Variants in CACNA2D3 observed in about 807,000 individuals in gnomAD.
CACNA2D3 encodes voltage-dependent calcium channel subunit alpha-2/delta-3.
CACNA2D3 carries 60 observed loss-of-function variants against 160.6 expected under a neutral mutation model. The observed-to-expected ratio is 0.37, with a 90% confidence interval of 0.30 to 0.46. The LOEUF (loss-of-function observed/expected upper bound fraction) is 0.46. Ranked by LOEUF, CACNA2D3 falls within the 20% of genes least tolerant of loss-of-function variation. CACNA2D3 has a pLI of 1.00. For missense variants in CACNA2D3, 1,205 were observed against 1,365.0 expected (o/e 0.88, Z 1.85); for synonymous variants, 558 against 492.9 (o/e 1.13, Z -1.75).
At chr3:54,494,566 T>C (rs1701173552) in intron 4 of CACNA2D3, among the ~76,000 whole-genome samples, 1 of 152,212 alleles carries the variant, frequency 6.6e-6, no homozygotes, top group East Asian at 1.9e-4. Context: ...CTTCCAGTTC[T>C]ATGAAACGAT....
chr3:55,003,437 T>C (rs1703025794), intron 31 of CACNA2D3, among the ~76,000 whole-genome samples: 1 of 152,034 alleles, frequency 6.6e-6, no homozygotes, highest in Non-Finnish European at 1.5e-5. Flanking sequence ...CCCTGAAGGT[T>C]TGCTGAAAAT....
intron 2 of CACNA2D3, among the ~76,000 whole-genome samples, chr3:54,273,978 G>A (rs1029912069): frequency 2.0e-5 from 3 of 151,976 alleles, no homozygotes; most frequent in Admixed American, 2.0e-4. Flanking sequence ...TGCTAAGTGT[G>A]TAGGTCCTGT....
At chr3:54,501,881 G>C (rs775418394) in intron 4 of CACNA2D3, among the ~76,000 whole-genome samples, 1 of 152,138 alleles carries the variant, frequency 6.6e-6, no homozygotes, top group Non-Finnish European at 1.5e-5. Context: ...TACTTGTGAA[G>C]GGTAATTTCA....
intron 3 of CACNA2D3, among the ~76,000 whole-genome samples, chr3:54,357,159 C>T (rs561485555): frequency 1.3e-5 from 2 of 152,106 alleles, no homozygotes; most frequent in Non-Finnish European, 2.9e-5. Flanking sequence ...TCATCTTGTT[C>T]GCCACTCTGT....
intron 2 of CACNA2D3, among the ~76,000 whole-genome samples, chr3:54,305,110 T>C (rs1703569012): frequency 6.6e-6 from 1 of 152,246 alleles, no homozygotes; most frequent in Non-Finnish European, 1.5e-5. Context: ...GTTTAATTCA[T>C]GTCTTGAACA....
In CACNA2D3 at chr3:54,503,609, A is replaced by G. The variant is rs1222464515; in HGVS notation, c.499A>G (p.Ile167Val). ...NDHFNNLPVN[I>V]SLSDVQVPTN... ...CCATTTTAATAATTTGCCTGTGAAC[A>G]TCAGTCTAAGTGACGTCCAAGTACC... Residue 167 changes from isoleucine to valine, a missense_variant, in exon 5 of 38, where the codon ATC becomes GTC. Transcript: ENST00000474759. 3 of 1,613,876 alleles carry G rather than the reference A, an allele frequency of 1.9e-6. No individual in the cohort carries two copies. The highest frequency in any genetic ancestry group is 1.7e-6 in the Non-Finnish European group (2 of 1,179,754).
At chr3:54,347,408 T>C (rs1698478951) in intron 3 of CACNA2D3, among the ~76,000 whole-genome samples, 1 of 152,204 alleles carries the variant, frequency 6.6e-6, no homozygotes, top group African/African-American at 2.4e-5. Flanking sequence ...ATCCCTTTCA[T>C]TTTGGAGACC....
chr3:54,736,146 C>CATATATATATGTATATAT (rs1701526612), intron 11 of CACNA2D3, among the ~76,000 whole-genome samples: 1 of 118,148 alleles, frequency 8.5e-6, no homozygotes, highest in African/African-American at 3.3e-5. Flanking sequence ...TATATACACA[C>CATATATATATGTATATAT]ACACACACAC....
chr3:54,764,231 G>A lies in CACNA2D3; in HGVS notation c.1260G>A (p.Gln420=), dbSNP rs3732748. ...MACANKGFFT[Q]ISTLADVQEN... ...GGGTTTTGACAGGATTTTTTACCCA[G>A]ATCTCCACCTTGGCTGATGTGCAGG... Residue 420 remains glutamine (Q), a synonymous_variant, in exon 13 of 38, where the codon CAG becomes CAA. Coordinates refer to ENST00000474759, the MANE Select transcript of CACNA2D3 (RefSeq NM_018398.3). 757,735 of 1,612,998 alleles carry A rather than the reference G, an allele frequency of 0.47. 181,223 individuals are homozygous for A. Among genetic ancestry groups the A allele is most frequent in the Non-Finnish European group, 0.49 (573,861 of 1,179,440 alleles).
intron 11 of CACNA2D3, among the ~76,000 whole-genome samples, chr3:54,735,408 G>T (rs149797443): frequency 6.6e-6 from 1 of 152,136 alleles, no homozygotes; most frequent in African/African-American, 2.4e-5. Flanking sequence ...GGGGTGAAGC[G>T]TGAAATGCAA....
chr3:54,516,090 G>A (rs983068338), intron 5 of CACNA2D3, among the ~76,000 whole-genome samples: 1 of 152,210 alleles, frequency 6.6e-6, no homozygotes, highest in Non-Finnish European at 1.5e-5. Flanking sequence ...TGGGCCAGGG[G>A]TTCCTTGTAG....
chr3:54,838,474 G>A, intron 15 of CACNA2D3, 94 bp from the exon 16 acceptor site: 1 of 962,158 alleles, frequency 1.0e-6, no homozygotes, highest in East Asian at 2.4e-5. Context: ...TTTGGGGAAG[G>A]CACCAGGCAG....
In CACNA2D3 at chr3:54,927,526, C is replaced by T. The variant is rs933108736; in HGVS notation, c.2449+27658C>T. On this transcript the variant is annotated intron_variant, in intron 27 of 37. Transcript: ENST00000474759. The stretch of plus-strand genomic sequence containing the variant: ...TTCTTAAACCAGAGAACATGTTTGC[C>T]GCAGAATCCACTGATCTATTAATGA... Among the ~76,000 whole-genome samples, 7 of 152,082 alleles carry T rather than the reference C, an allele frequency of 4.6e-5. 1 individual carries two copies. Among genetic ancestry groups the T allele is most frequent in the African/African-American group, 4.8e-5 (2 of 41,416 alleles).
At chr3:54,992,621 G>A (rs1702765178) in intron 31 of CACNA2D3, among the ~76,000 whole-genome samples, 1 of 151,968 alleles carries the variant, frequency 6.6e-6, no homozygotes, top group Non-Finnish European at 1.5e-5. Context: ...AGAGGGAAGA[G>A]CCCCCAGCCC....
At chr3:54,919,888 A>C (rs1700785546) in intron 27 of CACNA2D3, among the ~76,000 whole-genome samples, 1 of 152,168 alleles carries the variant, frequency 6.6e-6, no homozygotes, top group African/African-American at 2.4e-5. Context: ...GCTCAGTCCA[A>C]GTTTTTTCCA....
At chr3:54,591,657 G>C (rs576993732) in intron 9 of CACNA2D3, among the ~76,000 whole-genome samples, 28 of 146,350 alleles carry the variant, frequency 1.9e-4, no homozygotes, top group African/African-American at 7.2e-4. Context: ...AATATAATCA[G>C]GGCCATCAGA....
chr3:55,004,412 G>A (rs544816747), intron 31 of CACNA2D3, among the ~76,000 whole-genome samples: 1 of 152,124 alleles, frequency 6.6e-6, no homozygotes, highest in South Asian at 2.1e-4. Flanking sequence ...AATTCCATCC[G>A]GGTCTTAGAA....
intron 27 of CACNA2D3, chr3:54,928,140 G>C (rs1701080630): frequency 1.9e-6 from 1 of 536,958 alleles, no homozygotes. Context: ...TCCATAAGAG[G>C]ATCTTGGGAT....
At chr3:54,197,158 C>T (rs1043033395) in intron 2 of CACNA2D3, among the ~76,000 whole-genome samples, 1 of 152,126 alleles carries the variant, frequency 6.6e-6, no homozygotes, top group Non-Finnish European at 1.5e-5. Context: ...GCTCCTGCCT[C>T]ATCCTCCTGA....
Sources: gnomAD v4.1 joint callset for allele counts (sites outside exome capture counted in the v4.1 genomes callset) on GRCh38, gnomAD v4.1.1 for gene constraint, MANE v1.5 for transcripts, NCBI Gene and HGNC (gene_info 2026-07-23, HGNC 2026-07-21) for gene names.